The following RBFOX1 variants were observed in gnomAD, a reference collection of about 807,000 sequenced individuals.
RBFOX1 encodes RNA binding protein fox-1 homolog 1.
A neutral mutation model predicts 57.7 loss-of-function variants in RBFOX1; 8 were observed. The ratio of observed to expected loss-of-function variants is 0.14; its 90% CI spans 0.08 to 0.25. RBFOX1 has a LOEUF of 0.25. Among genes scored for constraint, RBFOX1 ranks in the 10% least tolerant of loss-of-function variants. RBFOX1 has a pLI of 1.00. For missense variants in RBFOX1, 611 were observed against 548.5 expected, an observed-to-expected ratio of 1.11 and a Z score of -1.14; for synonymous variants, 326 against 222.4, an observed-to-expected ratio of 1.47 and a Z score of -4.15.
intron 4 of RBFOX1, among the ~76,000 whole-genome samples, chr16:7,182,589 T>G (rs1023297835): frequency 6.6e-6 from 1 of 152,228 alleles, no homozygotes; most frequent in Admixed American, 6.5e-5. Context: ...AAACCCAGTT[T>G]AGACTCAGTT....
chr16:7,339,676 G>C (rs969543132), intron 4 of RBFOX1, among the ~76,000 whole-genome samples: 1 of 152,162 alleles, frequency 6.6e-6, no homozygotes, highest in Admixed American at 6.5e-5. Context: ...CTGACCTCAG[G>C]TGATCCGCCC....
At chr16:6,303,191 T>C (rs1429563887) in intron 1 of RBFOX1, among the ~76,000 whole-genome samples, 1 of 152,226 alleles carries the variant, frequency 6.6e-6, no homozygotes, top group East Asian at 1.9e-4. Flanking sequence ...GATAAGCTGA[T>C]TATCTCTCTG....
rs983232141 is a variant in RBFOX1 at position 7,419,757 on chromosome 16, G to A, written c.28-98390G>A. On this transcript the variant is annotated intron_variant, in intron 4 of 15. Transcript: ENST00000550418. Reference sequence around the variant, plus strand: ...TTTGCAAGACTGTTAATTTTCCGTGGCACCTCCTATCTGGTTGTAATTAAC... The same window carrying A: ...TTTGCAAGACTGTTAATTTTCCGTGACACCTCCTATCTGGTTGTAATTAAC... Among the ~76,000 whole-genome samples the A allele has an allele frequency of 1.5e-4, 23 of 152,202 alleles. No individual in the cohort carries two copies. The East Asian group carries it at 4.4e-3, about 29-fold the overall frequency.
intron 1 of RBFOX1, among the ~76,000 whole-genome samples, chr16:6,150,247 C>T (rs998329884): frequency 6.6e-6 from 1 of 152,068 alleles, no homozygotes; most frequent in Admixed American, 6.5e-5. Context: ...CTGAGGTCCT[C>T]AATTTTGGAT....
intron 4 of RBFOX1, among the ~76,000 whole-genome samples, chr16:7,374,797 C>G (rs1175540163): frequency 6.6e-6 from 1 of 152,196 alleles, no homozygotes; most frequent in Non-Finnish European, 1.5e-5. Context: ...CCTAGAGTTA[C>G]CGCCATGAGG....
chr16:7,121,416 T>C (rs2067156471), intron 4 of RBFOX1, among the ~76,000 whole-genome samples: 1 of 152,134 alleles, frequency 6.6e-6, no homozygotes, highest in Non-Finnish European at 1.5e-5. Context: ...ATCATATATC[T>C]ATATACTAGG....
intron 2 of RBFOX1, among the ~76,000 whole-genome samples, chr16:6,594,920 C>G (rs1212892970): frequency 6.6e-6 from 1 of 152,110 alleles, no homozygotes; most frequent in African/African-American, 2.4e-5. Context: ...TCTGGAGTAG[C>G]TGGGACTACA....
chr16:6,301,884 C>T lies in RBFOX1; in HGVS notation c.-126-15111C>T, dbSNP rs141759609. Among the ~76,000 whole-genome samples the T allele has an allele frequency of 4.9e-3, 749 of 152,172 alleles. 9 individuals carry two copies. Among genetic ancestry groups the T allele is most frequent in the African/African-American group, 0.017 (721 of 41,534 alleles). On this transcript the variant is annotated intron_variant, in intron 1 of 15. Coordinates refer to ENST00000550418, the MANE Select transcript of RBFOX1 (RefSeq NM_018723.4). ...TATGCAGTATTTCATTTAATCCTTA[C>T]GGGGATCCGGTAGCACAGGTAGTCC...
At chr16:5,561,209 A>G (rs1461394528) in intron 2 of RBFOX1, among the ~76,000 whole-genome samples, 2 of 152,078 alleles carry the variant, frequency 1.3e-5, no homozygotes, top group Non-Finnish European at 2.9e-5. Context: ...GCACATTAAT[A>G]TTTCCAAGAA....
At chr16:5,978,966 T>A (rs1473251397) in intron 4 of RBFOX1, among the ~76,000 whole-genome samples, 1 of 152,214 alleles carries the variant, frequency 6.6e-6, no homozygotes, top group African/African-American at 2.4e-5. Context: ...GCTGTATTCT[T>A]TGTTACTAAA....
At chr16:6,313,993 T>A (rs1168091748) in intron 1 of RBFOX1, among the ~76,000 whole-genome samples, 1 of 152,130 alleles carries the variant, frequency 6.6e-6, no homozygotes, top group Non-Finnish European at 1.5e-5. Context: ...TACAGGTTCT[T>A]ATTAGTGGAA....
chr16:7,053,302 T>A (rs1192212827), intron 4 of RBFOX1, among the ~76,000 whole-genome samples: 2 of 152,206 alleles, frequency 1.3e-5, no homozygotes, highest in Non-Finnish European at 2.9e-5. Context: ...CTACCCACTT[T>A]CCTCCAAGTA....
At chr16:7,095,888 C>T (rs2061607260) in intron 4 of RBFOX1, among the ~76,000 whole-genome samples, 2 of 151,586 alleles carry the variant, frequency 1.3e-5, no homozygotes, top group South Asian at 2.1e-4. Flanking sequence ...TGGCGGGTGT[C>T]TGTAATCCCA....
chr16:6,768,477 T>A (rs1036184784), intron 3 of RBFOX1, among the ~76,000 whole-genome samples: 3 of 151,980 alleles, frequency 2.0e-5, no homozygotes. Flanking sequence ...ACAAGCCTTC[T>A]AAATGTACTT....
intron 2 of RBFOX1, among the ~76,000 whole-genome samples, chr16:6,559,361 T>TAC (rs1233070938): frequency 1.3e-5 from 2 of 152,020 alleles, no homozygotes; most frequent in African/African-American, 2.4e-5. Context: ...TGTGTATATA[T>TAC]ACACACACAC....
chr16:7,051,761 A>T (rs2050164230), intron 3 of RBFOX1, among the ~76,000 whole-genome samples: 2 of 152,110 alleles, frequency 1.3e-5, no homozygotes, highest in Admixed American at 1.3e-4. Context: ...GGGGAGTTTC[A>T]TGACAAGAGG....
intron 3 of RBFOX1, among the ~76,000 whole-genome samples, chr16:5,790,648 C>T (rs956473731): frequency 9.9e-5 from 15 of 152,074 alleles, no homozygotes; most frequent in African/African-American, 2.9e-4. Flanking sequence ...CCCTAAGCCT[C>T]GTCTCCCTCC....
chr16:6,577,757 C>A (rs945843539), intron 2 of RBFOX1, among the ~76,000 whole-genome samples: 1 of 152,216 alleles, frequency 6.6e-6, no homozygotes, highest in African/African-American at 2.4e-5. Flanking sequence ...ATCACCAAAT[C>A]CCATTGGCCA....
intron 2 of RBFOX1, among the ~76,000 whole-genome samples, chr16:6,587,103 G>T (rs1190080978): frequency 6.6e-6 from 1 of 151,994 alleles, no homozygotes; most frequent in African/African-American, 2.4e-5. Flanking sequence ...TAGTCACCAT[G>T]ATGTACAACA....
Sources: gnomAD v4.1 joint callset for allele counts (sites outside exome capture counted in the v4.1 genomes callset) on GRCh38, gnomAD v4.1.1 for gene constraint, MANE v1.5 for transcripts, NCBI Gene and HGNC (gene_info 2026-07-23, HGNC 2026-07-21) for gene names.